The following MAGI2 variants were observed in gnomAD, a reference collection of about 807,000 sequenced individuals.
MAGI2 encodes membrane-associated guanylate kinase, WW and PDZ domain-containing protein 2.
Under a neutral mutation model 133.3 loss-of-function variants are expected in MAGI2, and 35 were observed. The ratio of observed to expected loss-of-function variants is 0.26; its 90% CI spans 0.20 to 0.35. The LOEUF is 0.35. Ranked by LOEUF, MAGI2 falls within the 10% of genes least tolerant of loss-of-function variation. The pLI, the probability that MAGI2 is intolerant of heterozygous loss-of-function variation, is 1.00. For synonymous variants in MAGI2, 729 were observed against 710.6 expected, an observed-to-expected ratio of 1.03 and a Z score of -0.41; for missense variants, 1,636 against 1,863.4, an observed-to-expected ratio of 0.88 and a Z score of 2.25.
At chr7:79,255,648 G>A (rs577591760) in intron 1 of MAGI2, among the ~76,000 whole-genome samples, 2 of 152,268 alleles carry the variant, frequency 1.3e-5, no homozygotes, top group South Asian at 4.2e-4. Flanking sequence ...AGGTCTGCCA[G>A]AGAAACAACA....
At chr7:78,123,007 A>G (rs1820613526) in intron 20 of MAGI2, among the ~76,000 whole-genome samples, 1 of 152,192 alleles carries the variant, frequency 6.6e-6, no homozygotes, top group Non-Finnish European at 1.5e-5. Context: ...CAGCTCCAGT[A>G]ATATTTTCTA....
At chr7:79,204,691 C>T (rs1828889886) in intron 1 of MAGI2, among the ~76,000 whole-genome samples, 1 of 151,774 alleles carries the variant, frequency 6.6e-6, no homozygotes, top group African/African-American at 2.4e-5. Flanking sequence ...GCTCAGTGAA[C>T]TTCAAGAAAA....
intron 9 of MAGI2, among the ~76,000 whole-genome samples, chr7:78,262,902 G>C (rs1051728524): frequency 1.3e-5 from 2 of 152,134 alleles, no homozygotes; most frequent in Non-Finnish European, 2.9e-5. Context: ...CTGAGGTTTG[G>C]AGTATGACTG....
At chr7:78,692,486 C>A (rs1247768116) in intron 2 of MAGI2, among the ~76,000 whole-genome samples, 2 of 152,066 alleles carry the variant, frequency 1.3e-5, no homozygotes, top group Non-Finnish European at 2.9e-5. Flanking sequence ...ACATTCTGTT[C>A]ATTCAGTAAG....
chr7:78,806,895 A>G (rs1392618375), intron 2 of MAGI2, among the ~76,000 whole-genome samples: 1 of 150,692 alleles, frequency 6.6e-6, no homozygotes, highest in African/African-American at 2.4e-5. Context: ...AATAAAATAA[A>G]ATAAAATAAA....
intron 1 of MAGI2, among the ~76,000 whole-genome samples, chr7:79,208,364 T>C (rs555904646): frequency 6.6e-6 from 1 of 151,572 alleles, no homozygotes; most frequent in East Asian, 1.9e-4. Flanking sequence ...AAAAAACCAA[T>C]TACAGAACAC....
chr7:79,233,032 T>A, intron 1 of MAGI2, among the ~76,000 whole-genome samples: 3 of 117,938 alleles, frequency 2.5e-5, no homozygotes, highest in African/African-American at 6.7e-5. Flanking sequence ...TCTTTATTTC[T>A]GCCTTCATTT....
intron 1 of MAGI2, among the ~76,000 whole-genome samples, chr7:79,242,627 C>T (rs1249427843): frequency 6.6e-6 from 1 of 152,116 alleles, no homozygotes; most frequent in East Asian, 1.9e-4. Flanking sequence ...AGAAATTATC[C>T]TGATCTAAAT....
intron 9 of MAGI2, among the ~76,000 whole-genome samples, chr7:78,293,914 G>A (rs563001120): frequency 2.0e-5 from 3 of 152,154 alleles, no homozygotes; most frequent in East Asian, 1.9e-4. Flanking sequence ...GGTGAGGAAC[G>A]TCACACACCA....
intron 21 of MAGI2, among the ~76,000 whole-genome samples, chr7:78,075,697 A>G (rs1367402958): frequency 6.6e-6 from 1 of 152,140 alleles, no homozygotes; most frequent in Non-Finnish European, 1.5e-5. Flanking sequence ...CTTAGCTGTG[A>G]GCACAGTTAT....
chr7:78,399,375 G>C (rs1222169242), intron 6 of MAGI2, among the ~76,000 whole-genome samples: 1 of 152,210 alleles, frequency 6.6e-6, no homozygotes, highest in African/African-American at 2.4e-5. Context: ...AAATCTTCGT[G>C]TTATATGCTG....
intron 1 of MAGI2, among the ~76,000 whole-genome samples, chr7:79,309,813 T>C (rs1838096093): frequency 6.6e-6 from 1 of 151,458 alleles, no homozygotes; most frequent in Non-Finnish European, 1.5e-5. Context: ...TCAAATGCAA[T>C]CAGGGAAGAC....
intron 9 of MAGI2, among the ~76,000 whole-genome samples, chr7:78,260,080 G>A (rs1793371709): frequency 6.6e-6 from 1 of 152,036 alleles, no homozygotes; most frequent in South Asian, 2.1e-4. Flanking sequence ...AGTTATCACA[G>A]GATAAAACTA....
intron 1 of MAGI2, among the ~76,000 whole-genome samples, chr7:79,077,595 ATAAAT>A (rs148555080): frequency 0.05 from 4,624 of 92,444 alleles, 1,220 homozygotes; most frequent in Non-Finnish European, 0.065. Context: ...AAAAAAAAAA[ATAAAT>A]AAATAAATAA....
chr7:78,390,785 G>A (rs1014593521), intron 6 of MAGI2, among the ~76,000 whole-genome samples: 1 of 152,012 alleles, frequency 6.6e-6, no homozygotes, highest in African/African-American at 2.4e-5. Flanking sequence ...CAGTTATTTA[G>A]CACCATAGGA....
chr7:78,111,632 AAC>A (rs1396557871), intron 20 of MAGI2, among the ~76,000 whole-genome samples: 2 of 152,242 alleles, frequency 1.3e-5, no homozygotes, highest in African/African-American at 2.4e-5. Flanking sequence ...TAACTCATTT[AAC>A]ACAGTGCTCA....
At chr7:78,617,587 T>G (rs1807247249) in intron 3 of MAGI2, 1 of 152,080 alleles carries the variant, frequency 6.6e-6, no homozygotes, top group South Asian at 2.1e-4. Flanking sequence ...TCATACAGTG[T>G]GAATATTCTA....
At chr7:79,051,801 G>C (rs1812698089) in intron 1 of MAGI2, among the ~76,000 whole-genome samples, 1 of 152,026 alleles carries the variant, frequency 6.6e-6, no homozygotes, top group Non-Finnish European at 1.5e-5. Context: ...AACTTTTTAT[G>C]AACACTAAAT....
intron 13 of MAGI2, among the ~76,000 whole-genome samples, chr7:78,179,152 C>T (rs558387543): frequency 1.2e-4 from 19 of 152,296 alleles, no homozygotes; most frequent in African/African-American, 4.6e-4. Context: ...CTGTCTCTTG[C>T]TTAAGAAATG....
Sources: allele counts gnomAD v4.1 joint callset (sites outside exome capture counted in the v4.1 genomes callset), GRCh38; gene constraint gnomAD v4.1.1; transcripts MANE v1.5; gene names NCBI Gene and HGNC (gene_info 2026-07-23, HGNC 2026-07-21).